SHISAL1: variants seen among roughly 807,000 people sequenced by gnomAD.
SHISAL1 encodes protein shisa-like-1.
Under a neutral mutation model 22.6 loss-of-function variants are expected in SHISAL1, and 9 were observed. That is an observed-to-expected ratio of 0.40 (90% confidence interval 0.24 to 0.70). The LOEUF (loss-of-function observed/expected upper bound fraction) is 0.70, where lower values mean the gene tolerates loss of function less well. Ranked by LOEUF, SHISAL1 falls within the 30% of genes least tolerant of loss-of-function variation. The probability of loss-of-function intolerance (pLI) is 0.39; values close to 1 mark genes in which losing one functional copy is unlikely to be tolerated. For synonymous variants in SHISAL1, 119 were observed against 115.4 expected, an observed-to-expected ratio of 1.03 and a Z score of -0.20; for missense variants, 246 against 270.6, an observed-to-expected ratio of 0.91 and a Z score of 0.64.
At chr22:44,275,001 C>T (rs135408) in intron 4 of SHISAL1, among the ~76,000 whole-genome samples, 79,646 of 152,064 alleles carry the variant, frequency 0.52, 22,686 homozygotes, top group Non-Finnish European at 0.65. Flanking sequence ...TGCCCACTGG[C>T]CCGTAGACAG....
At chr22:44,326,769 T>A in the SHISAL1 span, among the ~76,000 whole-genome samples, 3 of 151,984 alleles carry the variant, frequency 2.0e-5, no homozygotes, top group African/African-American at 4.8e-5. Context: ...CAGGTTGATG[T>A]CGAAAAATAT....
At chr22:44,325,555 A>G in the SHISAL1 span, among the ~76,000 whole-genome samples, 4 of 152,140 alleles carry the variant, frequency 2.6e-5, no homozygotes. Flanking sequence ...TCTATAGAAT[A>G]ACTTATTCTA....
chr22:44,315,687 T>C (rs1444076848), upstream of SHISAL1, among the ~76,000 whole-genome samples: 2 of 152,208 alleles, frequency 1.3e-5, no homozygotes, highest in Non-Finnish European at 2.9e-5. Flanking sequence ...TCTTACGCTG[T>C]TGTTACCTGC....
chr22:44,327,356 G>A, the SHISAL1 span, among the ~76,000 whole-genome samples: 2 of 152,148 alleles, frequency 1.3e-5, no homozygotes, highest in African/African-American at 2.4e-5. Context: ...GGGGCTGAAC[G>A]AGAAAACCTG....
chr22:44,252,280 AAAT>A (rs138788420), intron 4 of SHISAL1, among the ~76,000 whole-genome samples: 23,100 of 152,100 alleles, frequency 0.15, 2,047 homozygotes, highest in East Asian at 0.31. Flanking sequence ...TAGTCAACTA[AAAT>A]AACTTGATAG....
At chr22:44,284,342 G>T (rs562153452) in intron 4 of SHISAL1, among the ~76,000 whole-genome samples, 1 of 152,128 alleles carries the variant, frequency 6.6e-6, no homozygotes, top group South Asian at 2.1e-4. Context: ...CACGAGGATC[G>T]GAAGGTTAAG....
intron 4 of SHISAL1, among the ~76,000 whole-genome samples, chr22:44,264,518 A>G (rs1479363986): frequency 2.0e-5 from 3 of 152,156 alleles, no homozygotes; most frequent in Non-Finnish European, 4.4e-5. Flanking sequence ...GCAGGGTCCA[A>G]TGTGCAGGGG....
At chr22:44,312,303 C>G (rs2055525109) in intron 1 of SHISAL1, among the ~76,000 whole-genome samples, 1 of 152,160 alleles carries the variant, frequency 6.6e-6, no homozygotes, top group South Asian at 2.1e-4. Context: ...CCCACCTCAC[C>G]CCCGTGAAGC....
chr22:44,267,460 G>T (rs2055172191), intron 4 of SHISAL1, among the ~76,000 whole-genome samples: 1 of 150,726 alleles, frequency 6.6e-6, no homozygotes, highest in Non-Finnish European at 1.5e-5. Flanking sequence ...ACTCCCTGGT[G>T]CCGGCCCCTC....
In SHISAL1 at chr22:44,246,474, C is replaced by G. The variant is rs2055002193; in HGVS notation, c.*3211G>C. The G allele has an allele frequency of 6.6e-6, 1 of 152,140 alleles. No individual in the cohort carries two copies. 9.4% of individuals were successfully genotyped at this position (152,140 alleles called of 1,614,324 possible). A position where few individuals can be genotyped will look rare whatever the true frequency, so the allele number is the denominator to read the frequency against. ...AAAATCAGGTTGAGTTGCTAAAAAA[C>G]AGTAACTCTAGCTATGCTTGAACTC... On this transcript the variant is annotated 3_prime_UTR_variant, in exon 5 of 5. Coordinates refer to ENST00000381176, the MANE Select transcript of SHISAL1 (RefSeq NM_001099294.2).
At chr22:44,250,329 A>ATGTC (rs748444662) in intron 4 of SHISAL1, among the ~76,000 whole-genome samples, 1 of 152,250 alleles carries the variant, frequency 6.6e-6, no homozygotes, top group Non-Finnish European at 1.5e-5. Context: ...ATATATGACC[A>ATGTC]TGTCATACAA....
the SHISAL1 span, among the ~76,000 whole-genome samples, chr22:44,328,387 T>G: frequency 1.4e-4 from 22 of 152,314 alleles, no homozygotes; most frequent in East Asian, 4.2e-3. Flanking sequence ...AGTGGGAAGC[T>G]GGGTTCCGAG....
upstream of SHISAL1, among the ~76,000 whole-genome samples, chr22:44,315,425 T>C (rs972454249): frequency 5.9e-5 from 9 of 152,194 alleles, no homozygotes; most frequent in South Asian, 6.2e-4. Context: ...CGGTTCACAG[T>C]CCCAGGCTGC....
At chr22:44,253,579 ACCACCAT>A (rs1382965640) in intron 4 of SHISAL1, among the ~76,000 whole-genome samples, 3 of 150,988 alleles carry the variant, frequency 2.0e-5, no homozygotes, top group Non-Finnish European at 4.4e-5. Context: ...CAGGTGCTCA[ACCACCAT>A]GTCTGGCTAA....
intron 3 of SHISAL1, among the ~76,000 whole-genome samples, chr22:44,293,556 G>T (rs1204950524): frequency 6.6e-6 from 1 of 152,134 alleles, no homozygotes; most frequent in Non-Finnish European, 1.5e-5. Flanking sequence ...CGCTCAGGGG[G>T]CCTCTCCTCA....
At chr22:44,282,723 G>T (rs1260941854) in intron 4 of SHISAL1, among the ~76,000 whole-genome samples, 1 of 152,210 alleles carries the variant, frequency 6.6e-6, no homozygotes, top group Non-Finnish European at 1.5e-5. Context: ...TCAGCAGGAG[G>T]CTCCTGAGAG....
At chr22:44,295,486 C>G (rs1349466499) in intron 3 of SHISAL1, among the ~76,000 whole-genome samples, 1 of 151,212 alleles carries the variant, frequency 6.6e-6, no homozygotes, top group East Asian at 1.9e-4. Flanking sequence ...AAACACCTTT[C>G]TTAGTATGAT....
intron 4 of SHISAL1, among the ~76,000 whole-genome samples, chr22:44,254,156 C>T (rs1041673422): frequency 6.6e-6 from 1 of 151,836 alleles, no homozygotes; most frequent in Non-Finnish European, 1.5e-5. Flanking sequence ...CGAGCCAATG[C>T]TAAGAGGAAC....
At chr22:44,255,412 T>C (rs1315428654) in intron 4 of SHISAL1, among the ~76,000 whole-genome samples, 2 of 152,172 alleles carry the variant, frequency 1.3e-5, no homozygotes, top group Non-Finnish European at 1.5e-5. Flanking sequence ...TTTCCTGACC[T>C]CAGGAAATAC....
Sources: allele counts gnomAD v4.1 joint callset (sites outside exome capture counted in the v4.1 genomes callset), GRCh38; gene constraint gnomAD v4.1.1; transcripts MANE v1.5; gene names NCBI Gene and HGNC (gene_info 2026-07-23, HGNC 2026-07-21).